The following ARFGEF3 variants were observed in gnomAD, a reference collection of about 807,000 sequenced individuals.
ARFGEF3 encodes the protein brefeldin A-inhibited guanine nucleotide-exchange protein 3.
Under a neutral mutation model 221.7 loss-of-function variants are expected in ARFGEF3, and 96 were observed. The observed-to-expected ratio is 0.43, with a 90% CI of 0.37 to 0.51. The LOEUF (loss-of-function observed/expected upper bound fraction) is 0.51, where lower values mean the gene tolerates loss of function less well. Ranked by LOEUF, ARFGEF3 falls within the 20% of genes least tolerant of loss-of-function variation. ARFGEF3 has a pLI of 0.00. For synonymous variants in ARFGEF3, 1,145 were observed against 1,126.8 expected (o/e 1.02, Z -0.32); for missense variants, 2,410 against 2,789.9 (o/e 0.86, Z 3.07).
intron 8 of ARFGEF3, among the ~76,000 whole-genome samples, chr6:138,245,810 G>A (rs892875159): frequency 6.6e-5 from 10 of 152,166 alleles, no homozygotes; most frequent in Admixed American, 2.0e-4. Context: ...ACTTTCTGAT[G>A]TGACAATGGG....
intron 22 of ARFGEF3, among the ~76,000 whole-genome samples, chr6:138,306,137 A>G (rs926463535): frequency 3.3e-5 from 5 of 152,162 alleles, no homozygotes; most frequent in African/African-American, 9.7e-5. Context: ...TGCATTCAAG[A>G]TCAACATACT....
chr6:138,255,897 GTAGCGAA>G, intron 10 of ARFGEF3, 128 bp downstream of exon 10: 1 of 767,970 alleles, frequency 1.3e-6, no homozygotes, highest in Non-Finnish European at 2.0e-6. Context: ...ATGGTGTCCA[GTAGCGAA>G]TGCTGTCTCT....
At chr6:138,185,314 A>G (rs1176305292) in intron 2 of ARFGEF3, among the ~76,000 whole-genome samples, 1 of 152,186 alleles carries the variant, frequency 6.6e-6, no homozygotes, top group Non-Finnish European at 1.5e-5. Flanking sequence ...GGCTGTGTTA[A>G]GGGGGCACTG....
chr6:138,316,681 T>C (rs1475595517), intron 26 of ARFGEF3, among the ~76,000 whole-genome samples: 1 of 152,112 alleles, frequency 6.6e-6, no homozygotes, highest in African/African-American at 2.4e-5. Context: ...CCAAAATCAA[T>C]CATAATTTAT....
At chr6:138,327,069 T>C (rs1780138778) in intron 31 of ARFGEF3, among the ~76,000 whole-genome samples, 1 of 152,084 alleles carries the variant, frequency 6.6e-6, no homozygotes, top group Non-Finnish European at 1.5e-5. Context: ...CATGGACACA[T>C]GGCAAAGAAC....
chr6:138,313,029 C>T (rs898566145), intron 25 of ARFGEF3, among the ~76,000 whole-genome samples: 1 of 152,090 alleles, frequency 6.6e-6, no homozygotes, highest in African/African-American at 2.4e-5. Context: ...TCTAGTACCA[C>T]CTGTTTAGTT....
chr6:138,322,161 A>T (rs1780043035), intron 29 of ARFGEF3, among the ~76,000 whole-genome samples: 1 of 152,170 alleles, frequency 6.6e-6, no homozygotes, highest in Non-Finnish European at 1.5e-5. Flanking sequence ...TGAATAGAAC[A>T]AAAAGGCCAA....
rs1780159025 is a variant in ARFGEF3, at chr6:138,328,126, G to A, written c.5107G>A (p.Gly1703Arg). ...GCTGCCTCCTGATGAAAAACCAAAT[G>A]GACACACCAAGAAAAGGTAAGTACC... Reference protein sequence around the residue: ...IELPPDEKPNGHTKKSVSFRE... With the variant: ...IELPPDEKPNRHTKKSVSFRE... Residue 1703 changes from glycine (G) to arginine (R), a missense_variant, in exon 32 of 34, where the codon GGA (glycine) becomes AGA (arginine). Around this residue, in one of 5 missense-constraint regions of ARFGEF3, gnomAD observed 723 missense variants for 991.9 expected, o/e 0.73. Transcript: ENST00000251691. The A allele has an allele frequency of 1.3e-6, 2 of 1,593,452 alleles. No individual in the cohort carries two copies. Among genetic ancestry groups the A allele is most frequent in the Non-Finnish European group, 1.7e-6 (2 of 1,169,192 alleles).
rs914144666 is a variant in ARFGEF3, at chr6:138,212,865, A to G, written c.351+2824A>G. ...CACAAGGCGGGGAACATCACACACC[A>G]GGGCCTGTTGTGGGGAGGGATAGCA... On this transcript the variant is annotated intron_variant, in intron 4 of 33. Coordinates refer to ENST00000251691, the MANE Select transcript of ARFGEF3 (RefSeq NM_020340.5). Among the ~76,000 whole-genome samples the G allele has an allele frequency of 3.9e-5, 6 of 152,122 alleles. No individual in the cohort carries two copies. In the South Asian group the frequency reaches 1.2e-3, roughly 32 times the overall value.
chr6:138,206,118 A>G (rs1182147430), intron 2 of ARFGEF3, among the ~76,000 whole-genome samples: 4 of 152,238 alleles, frequency 2.6e-5, no homozygotes, highest in African/African-American at 9.6e-5. Context: ...ACTCTGGTTT[A>G]AGTGGGGGTG....
At chr6:138,298,364 C>T (rs999664469) in intron 21 of ARFGEF3, among the ~76,000 whole-genome samples, 2 of 152,268 alleles carry the variant, frequency 1.3e-5, no homozygotes, top group Middle Eastern at 3.4e-3. Flanking sequence ...AAGAAATTAC[C>T]GGAAACTTTC....
chr6:138,191,805 C>G (rs946449742), intron 2 of ARFGEF3, among the ~76,000 whole-genome samples: 1 of 152,142 alleles, frequency 6.6e-6, no homozygotes, highest in Admixed American at 6.5e-5. Context: ...TCTGTAGGTT[C>G]TTTTTCCTTT....
At chr6:138,187,381 T>C (rs1777209921) in intron 2 of ARFGEF3, among the ~76,000 whole-genome samples, 1 of 152,174 alleles carries the variant, frequency 6.6e-6, no homozygotes, top group Non-Finnish European at 1.5e-5. Flanking sequence ...ACAGACCCCA[T>C]TGTCCTTCAT....
chr6:138,188,023 A>C (rs1291673401), intron 2 of ARFGEF3, among the ~76,000 whole-genome samples: 1 of 152,228 alleles, frequency 6.6e-6, no homozygotes, highest in South Asian at 2.1e-4. Flanking sequence ...CTTTTGCTAT[A>C]AAATAATAGA....
intron 25 of ARFGEF3, 99 bp downstream of exon 25, chr6:138,311,609 A>G: frequency 2.6e-6 from 2 of 776,078 alleles, no homozygotes; most frequent in Non-Finnish European, 4.3e-6. Context: ...CCCGAGAGAG[A>G]CACTTTGCCG....
chr6:138,303,522 C>T (rs928822045), intron 22 of ARFGEF3, among the ~76,000 whole-genome samples: 2 of 151,986 alleles, frequency 1.3e-5, no homozygotes, highest in African/African-American at 4.8e-5. Flanking sequence ...TAGATAATAG[C>T]GGCCAGGCAC....
Position 138,255,637 on chromosome 6 carries a change from C to T in ARFGEF3, c.972C>T (p.Tyr324=). The change falls in exon 10 of 34, where the codon TAC becomes TAT. Residue 324 remains tyrosine, a synonymous_variant. Transcript: ENST00000251691. ...LSGPVARTIY[Y]IAAELVRLVG... is the part of the protein sequence containing the mutation. ...GACCTGTGGCTCGGACTATCTATTA[C>T]ATCGCAGCCGAGCTGGTCCGGCTGG... 4 of 1,613,930 alleles carry T rather than the reference C, an allele frequency of 2.5e-6. No individual in the cohort carries two copies. Among genetic ancestry groups the T allele is most frequent in the Non-Finnish European group, 3.4e-6 (4 of 1,179,878 alleles).
intron 23 of ARFGEF3, 79 bp downstream of exon 23, chr6:138,307,476 G>T (rs1002394423): frequency 1.8e-6 from 2 of 1,129,598 alleles, no homozygotes; most frequent in Non-Finnish European, 2.6e-6. Flanking sequence ...AAAAAAAATT[G>T]AACAATAGGG....
chr6:138,218,050 T>A, intron 4 of ARFGEF3: 1 of 1,612,124 alleles, frequency 6.2e-7, no homozygotes. Flanking sequence ...AGACCTAGGG[T>A]CTGAGTTAAC....
Sources: gnomAD v4.1 joint callset for allele counts (sites outside exome capture counted in the v4.1 genomes callset) on GRCh38, gnomAD v4.1.1 for gene constraint, gnomAD v4.1.1 regional missense constraint, MANE v1.5 for transcripts, NCBI Gene and HGNC (gene_info 2026-07-23, HGNC 2026-07-21) for gene names.